The following YTHDF3 variants were observed in gnomAD, a reference collection of about 807,000 sequenced individuals.
YTHDF3 encodes YTH domain-containing family protein 3.
Under a neutral mutation model 52.5 loss-of-function variants are expected in YTHDF3, and 9 were observed. The observed-to-expected ratio is 0.17, with a 90% CI of 0.10 to 0.30. YTHDF3 has a LOEUF of 0.30. YTHDF3 is among the 10% of genes least tolerant of loss of function. The pLI is 1.00. For synonymous variants in YTHDF3, 274 were observed against 243.3 expected (o/e 1.13, Z -1.18); for missense variants, 534 against 715.0 (o/e 0.75, Z 2.89).
At chr8:63,172,821 C>G (rs1358312201) in intron 2 of YTHDF3, 2 of 1,230,986 alleles carry the variant, frequency 1.6e-6, no homozygotes, top group African/African-American at 3.1e-5. Flanking sequence ...TTCTTTTTAC[C>G]CCTGAAGAAA....
chr8:63,176,005 A>G (rs371756639), intron 3 of YTHDF3, among the ~76,000 whole-genome samples: 9 of 152,314 alleles, frequency 5.9e-5, no homozygotes, highest in African/African-American at 2.2e-4. Context: ...TATCAAATCA[A>G]GTAATTGGTA....
chr8:63,203,847 T>C (rs1013308662), intron 4 of YTHDF3, among the ~76,000 whole-genome samples: 3 of 152,242 alleles, frequency 2.0e-5, no homozygotes, highest in Non-Finnish European at 4.4e-5. Context: ...TTCTCATGAT[T>C]AGACTGGGGG....
At chr8:63,183,856 A>G (rs1409137058) in intron 3 of YTHDF3, among the ~76,000 whole-genome samples, 3 of 152,194 alleles carry the variant, frequency 2.0e-5, no homozygotes, top group Non-Finnish European at 4.4e-5. Flanking sequence ...AGAACCCCCA[A>G]CGGATACCAA....
chr8:63,196,575 AAG>A (rs1317076310), intron 4 of YTHDF3, among the ~76,000 whole-genome samples: 3 of 151,910 alleles, frequency 2.0e-5, no homozygotes, highest in Non-Finnish European at 2.9e-5. Flanking sequence ...AAAAAAAAAA[AAG>A]AATAAAAAAG....
chr8:63,190,873 T>A (rs949171076), intron 4 of YTHDF3, among the ~76,000 whole-genome samples: 1 of 152,220 alleles, frequency 6.6e-6, no homozygotes, highest in African/African-American at 2.4e-5. Flanking sequence ...GTTTTTCTTT[T>A]GTCACGTTGC....
intron 2 of YTHDF3, among the ~76,000 whole-genome samples, chr8:63,173,358 G>A (rs1280769970): frequency 2.6e-5 from 4 of 151,004 alleles, no homozygotes; most frequent in Non-Finnish European, 5.9e-5. Context: ...ATCCTCCTTA[G>A]ACTCCTGAGT....
intron 3 of YTHDF3, among the ~76,000 whole-genome samples, chr8:63,178,524 T>G (rs1159275320): frequency 1.3e-5 from 2 of 152,264 alleles, no homozygotes; most frequent in Non-Finnish European, 2.9e-5. Flanking sequence ...TAGATTTGTT[T>G]TAACTCATGA....
intron 3 of YTHDF3, among the ~76,000 whole-genome samples, chr8:63,177,782 G>A (rs1359579429): frequency 2.0e-5 from 3 of 149,874 alleles, no homozygotes; most frequent in Non-Finnish European, 4.4e-5. Flanking sequence ...TTTTGAAACG[G>A]AGTCTCGCTC....
intron 2 of YTHDF3, among the ~76,000 whole-genome samples, chr8:63,174,871 C>A (rs1000905932): frequency 2.6e-5 from 4 of 152,008 alleles, no homozygotes; most frequent in Non-Finnish European, 5.9e-5. Context: ...CAAATTAGAT[C>A]GAAAATAGTT....
chr8:63,186,377 T>C lies in YTHDF3; in HGVS notation c.366T>C (p.His122=). The C allele has an allele frequency of 6.2e-7, 1 of 1,614,030 alleles. No homozygotes were observed. Among genetic ancestry groups the C allele is most frequent in the African/African-American group, 1.3e-5 (1 of 75,054 alleles). ...LGNTPPFLGQ[H]GFNFFPGNAD... Reference sequence around the variant, plus strand: ...ATACCCCTCCATTTCTTGGTCAACATGGATTTAACTTTTTTCCTGGTAATG... The same window carrying C: ...ATACCCCTCCATTTCTTGGTCAACACGGATTTAACTTTTTTCCTGGTAATG... Residue 122 remains histidine, a synonymous_variant, in exon 4 of 5, where the codon CAT becomes CAC. Coordinates refer to ENST00000539294, the MANE Select transcript of YTHDF3 (RefSeq NM_152758.6).
intron 2 of YTHDF3, among the ~76,000 whole-genome samples, chr8:63,173,939 A>G (rs566687312): frequency 1.6e-4 from 25 of 152,242 alleles, no homozygotes; most frequent in African/African-American, 5.5e-4. Flanking sequence ...TAAGAAGTCT[A>G]CTTTGAATGC....
intron 4 of YTHDF3, chr8:63,188,702 T>TATATATATATATATATATATATA (rs71255383): frequency 2.2e-5 from 1 of 44,782 alleles, no homozygotes; most frequent in African/African-American, 1.1e-4. Flanking sequence ...TATATATATA[T>TATATATATATATATATATATATA]TTTTTTTTTT....
At position 63,209,768 on chromosome 8, in the gene YTHDF3, T is replaced by TA; in HGVS notation, c.*64dup. ...CGATGTAGACTCTGGAAATGCCTAA[T>TA]AAGTCAAAGAAGACGTATTAAAGCT... is the stretch of plus-strand genomic sequence containing the variant. On this transcript the variant is annotated 3_prime_UTR_variant, in exon 5 of 5. Transcript: ENST00000539294. The TA allele has an allele frequency of 6.7e-7, 1 of 1,490,328 alleles. No homozygotes were observed. The highest frequency in any genetic ancestry group is 9.0e-7 in the Non-Finnish European group (1 of 1,109,736). The allele number at this position is 1,490,328 out of a possible 1,614,324, so 92.3% of individuals were successfully genotyped here.
At chr8:63,194,156 A>G (rs542989737) in intron 4 of YTHDF3, among the ~76,000 whole-genome samples, 3 of 152,308 alleles carry the variant, frequency 2.0e-5, no homozygotes, top group Non-Finnish European at 2.9e-5. Flanking sequence ...ATTGGTAACT[A>G]TACTTTTGCT....
intron 2 of YTHDF3, among the ~76,000 whole-genome samples, chr8:63,171,465 C>G (rs1479138141): frequency 2.0e-5 from 3 of 152,140 alleles, no homozygotes; most frequent in Non-Finnish European, 4.4e-5. Context: ...GGGAAAAATG[C>G]TACTGGCCTG....
At chr8:63,175,500 AT>A in intron 3 of YTHDF3, 84 bp downstream of exon 3, 1 of 1,097,812 alleles carries the variant, frequency 9.1e-7, no homozygotes, top group East Asian at 2.6e-5. Flanking sequence ...ATTTAATGAG[AT>A]TAACCATAAC....
At position 63,202,611 on chromosome 8, in the gene YTHDF3, G is replaced by A. The variant is rs933305147; in HGVS notation, c.1735-7072G>A. ...CAAGTAGCTGGGATTACAGGTGCCC[G>A]CCACCACACCCAGCTAATTTTTTGT... On this transcript the variant is annotated intron_variant, in intron 4 of 4. Coordinates refer to ENST00000539294, the MANE Select transcript of YTHDF3 (RefSeq NM_152758.6). Among the ~76,000 whole-genome samples the A allele has an allele frequency of 3.9e-5, 6 of 151,908 alleles. No homozygotes were observed. The South Asian group carries it at 8.3e-4, about 21-fold the overall frequency.
At chr8:63,202,642 T>C (rs1809714217) in intron 4 of YTHDF3, among the ~76,000 whole-genome samples, 1 of 152,002 alleles carries the variant, frequency 6.6e-6, no homozygotes, top group African/African-American at 2.4e-5. Context: ...TTTGTATTTT[T>C]AGTAGAGACG....
intron 4 of YTHDF3, among the ~76,000 whole-genome samples, chr8:63,208,209 C>T (rs1257392313): frequency 6.6e-6 from 1 of 151,896 alleles, no homozygotes; most frequent in Admixed American, 6.6e-5. Flanking sequence ...CTTTTGTTAG[C>T]TTTATGTATG....
Sources: allele counts gnomAD v4.1 joint callset (sites outside exome capture counted in the v4.1 genomes callset), GRCh38; gene constraint gnomAD v4.1.1; transcripts MANE v1.5; gene names NCBI Gene and HGNC (gene_info 2026-07-23, HGNC 2026-07-21).